Variants in CACNA1C observed in about 807,000 individuals in gnomAD.
The protein encoded by CACNA1C is voltage-dependent L-type calcium channel subunit alpha-1C.
Under a neutral mutation model 229.0 loss-of-function variants are expected in CACNA1C, and 30 were observed. That is an observed-to-expected ratio of 0.13 (90% CI 0.10 to 0.18). The LOEUF is 0.18. Among genes scored for constraint, CACNA1C ranks in the 10% least tolerant of loss-of-function variants. The pLI is 1.00. For missense variants in CACNA1C, 1,658 were observed against 2,845.0 expected, an observed-to-expected ratio of 0.58 and a Z score of 9.49; for synonymous variants, 1,114 against 1,132.5, an observed-to-expected ratio of 0.98 and a Z score of 0.33.
chr12:2,475,866 G>A (rs1025062497), intron 5 of CACNA1C, among the ~76,000 whole-genome samples: 3 of 152,206 alleles, frequency 2.0e-5, no homozygotes, highest in African/African-American at 4.8e-5. Context: ...GGAGGGGTGA[G>A]TGGGGCTGCT....
chr12:2,004,484 G>T, intron 1 of CACNA1C: 1 of 1,545,842 alleles, frequency 6.5e-7, no homozygotes. Flanking sequence ...ACTCTCAATA[G>T]ATCGCAGAAC....
intron 3 of CACNA1C, among the ~76,000 whole-genome samples, chr12:2,431,521 C>T (rs1420506789): frequency 6.6e-6 from 1 of 152,098 alleles, no homozygotes; most frequent in African/African-American, 2.4e-5. Context: ...TCCAGTAATC[C>T]AAATGTGCTC....
chr12:2,182,131 CAAAAAAAAAA>C (rs56365126), intron 3 of CACNA1C, among the ~76,000 whole-genome samples: 72 of 86,700 alleles, frequency 8.3e-4, no homozygotes, highest in African/African-American at 3.0e-3. Flanking sequence ...TTTCTGTCTG[CAAAAAAAAAA>C]AAAAAAAAAA....
chr12:2,099,858 C>T (rs1037733567), intron 1 of CACNA1C, among the ~76,000 whole-genome samples: 1 of 152,048 alleles, frequency 6.6e-6, no homozygotes, highest in African/African-American at 2.4e-5. Flanking sequence ...CAGCTCTGTC[C>T]TGAGAGTGTG....
At chr12:2,060,392 T>C (rs1032373775) in intron 1 of CACNA1C, among the ~76,000 whole-genome samples, 8 of 152,172 alleles carry the variant, frequency 5.3e-5, no homozygotes, top group African/African-American at 1.9e-4. Flanking sequence ...TGCTCCCATG[T>C]CAGGGTTGGT....
chr12:2,362,609 A>G (rs748985744), intron 3 of CACNA1C, among the ~76,000 whole-genome samples: 2 of 152,228 alleles, frequency 1.3e-5, no homozygotes, highest in Admixed American at 1.3e-4. Context: ...TCCTGAAAGC[A>G]GAGCCCCGTT....
intron 3 of CACNA1C, among the ~76,000 whole-genome samples, chr12:2,430,388 A>G (rs2099070885): frequency 6.6e-6 from 1 of 152,162 alleles, no homozygotes; most frequent in Non-Finnish European, 1.5e-5. Context: ...GAGACACTCA[A>G]TGTGTTGCCT....
intron 11 of CACNA1C, among the ~76,000 whole-genome samples, chr12:2,559,484 G>T (rs543290219): frequency 2.4e-4 from 36 of 152,358 alleles, no homozygotes; most frequent in African/African-American, 6.5e-4. Flanking sequence ...GCTTTGCTAT[G>T]TGCTGGCCAT....
chr12:2,135,486 G>T lies in CACNA1C; in HGVS notation c.477+15056G>T, dbSNP rs1457919009. ...ATGGTGATGTACAGATGGGTTTTTGGTGTGGATGTCCTTTCTGTTTGTTAG... is the reference window on the plus strand; with the variant it reads ...ATGGTGATGTACAGATGGGTTTTTGTTGTGGATGTCCTTTCTGTTTGTTAG... On this transcript the variant is annotated intron_variant, in intron 3 of 46. Transcript: ENST00000399655. Among the ~76,000 whole-genome samples, 594 of 134,684 alleles carry T rather than the reference G, an allele frequency of 4.4e-3. 66 individuals carry two copies. Among genetic ancestry groups the T allele is most frequent in the African/African-American group, 0.018 (573 of 30,984 alleles). The allele number at this position is 134,684 out of a possible 152,430, so 88.4% of individuals were successfully genotyped here.
At chr12:2,117,723 T>A (rs774255436) in intron 2 of CACNA1C, among the ~76,000 whole-genome samples, 1 of 152,226 alleles carries the variant, frequency 6.6e-6, no homozygotes, top group Non-Finnish European at 1.5e-5. Context: ...GGGCCTGCAG[T>A]CCAGGTGCAC....
At chr12:2,507,765 C>A (rs1369695324) in intron 8 of CACNA1C, among the ~76,000 whole-genome samples, 1 of 152,216 alleles carries the variant, frequency 6.6e-6, no homozygotes, top group Admixed American at 6.5e-5. Context: ...GGCAAAATGA[C>A]CTCAATCCCA....
Position 2,053,031 on chromosome 12 carries a change from G to C in CACNA1C, c.-532G>C, listed in dbSNP as rs1336925485. The C allele has an allele frequency of 3.0e-6, 3 of 984,386 alleles. No homozygotes were observed. The highest frequency in any genetic ancestry group is 3.6e-6 in the Non-Finnish European group (3 of 829,542). 61.0% of individuals were successfully genotyped at this position (984,386 alleles called of 1,614,324 possible). On this transcript the variant is annotated 5_prime_UTR_variant, in exon 1 of 47. Transcript: ENST00000399655. This position sits in a 1 kb window ranked among gnomAD's most constrained non-coding sequence, Gnocchi z 5.8. ...TGCAGAAACAGCTCCTGCCAGAGCG[G>C]CGCTCGGCGCGGCGCGGCGGGCCCG...
At chr12:2,451,945 G>T (rs2099382315) in intron 4 of CACNA1C, among the ~76,000 whole-genome samples, 1 of 152,198 alleles carries the variant, frequency 6.6e-6, no homozygotes, top group Non-Finnish European at 1.5e-5. Context: ...GCCCATTCTT[G>T]TAACAATCCC....
At chr12:2,650,932 G>C (rs575276008) in intron 31 of CACNA1C, 3 of 152,746 alleles carry the variant, frequency 2.0e-5, no homozygotes, top group South Asian at 2.1e-4. Flanking sequence ...AGAGGCCCCA[G>C]GGCAGAGGGG....
intron 3 of CACNA1C, among the ~76,000 whole-genome samples, chr12:2,211,802 T>C (rs2097924729): frequency 7.1e-6 from 1 of 140,220 alleles, no homozygotes; most frequent in African/African-American, 2.7e-5. Context: ...CACTGCAACC[T>C]CCGCCTTCCA....
At chr12:1,999,657 T>C (rs2041735893) in intron 1 of CACNA1C, among the ~76,000 whole-genome samples, 1 of 152,050 alleles carries the variant, frequency 6.6e-6, no homozygotes, top group African/African-American at 2.4e-5. Context: ...GCCCAGGAGT[T>C]TGAGGCTACA....
intron 29 of CACNA1C, among the ~76,000 whole-genome samples, chr12:2,621,232 G>A (rs2153503586): frequency 6.6e-6 from 1 of 152,280 alleles, no homozygotes; most frequent in Admixed American, 6.5e-5. Flanking sequence ...GTTTCAGATG[G>A]GGTAAGGGCT....
chr12:2,679,411 G>A lies in CACNA1C; in HGVS notation c.5092-33G>A. 1 of 1,434,020 alleles carries A rather than the reference G, an allele frequency of 7.0e-7. No individual in the cohort carries two copies. 88.8% of individuals were successfully genotyped at this position (1,434,020 alleles called of 1,614,324 possible). A position where few individuals can be genotyped will look rare whatever the true frequency, so the allele number is the denominator to read the frequency against. On this transcript the variant is annotated intron_variant, in intron 41 of 46. Coordinates refer to ENST00000399655, the MANE Select transcript of CACNA1C (RefSeq NM_000719.7). This position sits in a 1 kb window ranked among gnomAD's most constrained non-coding sequence, Gnocchi z 5.5. ...CTCTGGGAGGAGTGGGTGCTAAGGG[G>A]CTTCTCCACCCACCCCTCCTTCTTG... is the stretch of plus-strand genomic sequence containing the variant.
At chr12:2,669,753 C>T (rs1043414758) in intron 38 of CACNA1C, among the ~76,000 whole-genome samples, 1 of 152,202 alleles carries the variant, frequency 6.6e-6, no homozygotes, top group Non-Finnish European at 1.5e-5. Flanking sequence ...TGGCTTAAGG[C>T]TCTTAGCCAG....
Sources: allele counts gnomAD v4.1 joint callset (sites outside exome capture counted in the v4.1 genomes callset), GRCh38; gene constraint gnomAD v4.1.1; non-coding constraint Gnocchi (gnomAD v3.1); transcripts MANE v1.5; gene names NCBI Gene and HGNC (gene_info 2026-07-23, HGNC 2026-07-21).